The following XKR4 variants were observed in gnomAD, a reference collection of about 807,000 sequenced individuals.
The protein encoded by XKR4 is XK-related protein 4.
XKR4 carries 12 observed loss-of-function variants against 53.9 expected under a neutral mutation model. The ratio of observed to expected loss-of-function variants is 0.22; its 90% CI spans 0.14 to 0.36. The LOEUF is 0.36. Ranked by LOEUF, XKR4 falls within the 10% of genes least tolerant of loss-of-function variation. The probability of loss-of-function intolerance (pLI) is 1.00; values close to 1 mark genes in which losing one functional copy is unlikely to be tolerated. For synonymous variants in XKR4, 354 were observed against 362.4 expected, an observed-to-expected ratio of 0.98 and a Z score of 0.26; for missense variants, 799 against 859.5, an observed-to-expected ratio of 0.93 and a Z score of 0.88.
chr8:55,185,088 T>A (rs999149920), intron 1 of XKR4, among the ~76,000 whole-genome samples: 4 of 152,222 alleles, frequency 2.6e-5, no homozygotes. Flanking sequence ...CATAAACTGA[T>A]CTGAGCCATT....
chr8:55,372,748 T>G (rs994748706), intron 2 of XKR4, among the ~76,000 whole-genome samples: 1 of 152,190 alleles, frequency 6.6e-6, no homozygotes. Flanking sequence ...TTTAAAAGTA[T>G]TCCTCAGAGA....
intron 1 of XKR4, among the ~76,000 whole-genome samples, chr8:55,264,162 G>A (rs1818568048): frequency 6.6e-6 from 1 of 152,134 alleles, no homozygotes; most frequent in South Asian, 2.1e-4. Flanking sequence ...GTTCTCACTG[G>A]CTGGAGGCTC....
At chr8:55,334,850 C>T (rs1428740006) in intron 1 of XKR4, among the ~76,000 whole-genome samples, 1 of 152,108 alleles carries the variant, frequency 6.6e-6, no homozygotes, top group Non-Finnish European at 1.5e-5. Context: ...ACCTCTAGTC[C>T]TGTGTGAAAA....
In XKR4 at chr8:55,532,796, CAAAAAAAAAAAA is replaced by C. The variant is rs11313216; in HGVS notation, c.*8582_*8593del. 7.0e-5 allele frequency: 5 copies of C among 70,950 alleles called. No individual in the cohort carries two copies. The highest frequency in any genetic ancestry group is 2.0e-4 in the Admixed American group (1 of 5,120). The allele number at this position is 70,950 out of a possible 1,614,324, so 4.4% of individuals were successfully genotyped here. On this transcript the variant is annotated 3_prime_UTR_variant, in exon 3 of 3. Transcript: ENST00000327381. ...TGGGTGACAGAGCAAGACTCCGTCT[CAAAAAAAAAAAA>C]AAAAAAAAAAAAGAATTTCAGAAAA... is the stretch of plus-strand genomic sequence containing the variant.
intron 1 of XKR4, among the ~76,000 whole-genome samples, chr8:55,217,098 C>T (rs183021582): frequency 7.9e-4 from 119 of 151,532 alleles, no homozygotes; most frequent in Non-Finnish European, 1.4e-3. Context: ...AAAACTTAGC[C>T]GGGCGTGGTG....
chr8:55,310,624 C>T (rs932623928), intron 1 of XKR4, among the ~76,000 whole-genome samples: 1 of 152,124 alleles, frequency 6.6e-6, no homozygotes, highest in Non-Finnish European at 1.5e-5. Flanking sequence ...GCCATTGGTT[C>T]CCTGAGTAAG....
intron 1 of XKR4, among the ~76,000 whole-genome samples, chr8:55,273,288 T>C (rs1210941267): frequency 1.3e-5 from 2 of 152,140 alleles, no homozygotes; most frequent in African/African-American, 4.8e-5. Context: ...GAAAGAGATC[T>C]AACTTAACTG....
rs1475861592 is a variant in XKR4 at position 55,467,908 on chromosome 8, A to G, written c.1007-55373A>G. Among the ~76,000 whole-genome samples, 9 of 152,210 alleles carry G rather than the reference A, an allele frequency of 5.9e-5. No homozygotes were observed. In the East Asian group the frequency reaches 1.5e-3, roughly 26 times the overall value. On this transcript the variant is annotated intron_variant, in intron 2 of 2. Coordinates refer to ENST00000327381, the MANE Select transcript of XKR4 (RefSeq NM_052898.2). ...AGAATATTAACTATTTATGGTTTCT[A>G]TAGTATTTTCTTTCAGTGTCTTAAA...
At chr8:55,510,169 A>C (rs1226967809) in intron 2 of XKR4, among the ~76,000 whole-genome samples, 1 of 152,060 alleles carries the variant, frequency 6.6e-6, no homozygotes, top group Non-Finnish European at 1.5e-5. Context: ...GGCCAGGCAG[A>C]AGGCCTAGGT....
intron 2 of XKR4, among the ~76,000 whole-genome samples, chr8:55,440,609 A>T (rs1467907332): frequency 6.7e-6 from 1 of 149,402 alleles, no homozygotes. Context: ...GCAAAAAAAA[A>T]TGGAATGAGG....
chr8:55,132,099 G>C (rs1816563718), intron 1 of XKR4, among the ~76,000 whole-genome samples: 2 of 152,216 alleles, frequency 1.3e-5, no homozygotes, highest in South Asian at 4.1e-4. Flanking sequence ...GATGGGCAGA[G>C]TTTGGGAACA....
chr8:55,257,923 C>T (rs1298618383), intron 1 of XKR4, among the ~76,000 whole-genome samples: 2 of 152,184 alleles, frequency 1.3e-5, no homozygotes, highest in Non-Finnish European at 2.9e-5. Flanking sequence ...TTGGCTTCTT[C>T]CTGCCCCCAG....
At chr8:55,129,211 T>C (rs1677334922) in intron 1 of XKR4, among the ~76,000 whole-genome samples, 3 of 152,242 alleles carry the variant, frequency 2.0e-5, no homozygotes, top group Admixed American at 2.0e-4. Context: ...TTTTTCTTTC[T>C]GGTTACAAGG....
chr8:55,349,970 T>C (rs2129383428), intron 1 of XKR4, among the ~76,000 whole-genome samples: 2 of 152,340 alleles, frequency 1.3e-5, no homozygotes, highest in Middle Eastern at 3.4e-3. Flanking sequence ...ATCATCACTT[T>C]AATATTTTGG....
rs150312792 is a variant in XKR4 at position 55,214,018 on chromosome 8, C to T, written c.806+110724C>T. Among the ~76,000 whole-genome samples the T allele has an allele frequency of 5.1e-3, 769 of 152,050 alleles. 7 individuals carry two copies. Among genetic ancestry groups the T allele is most frequent in the Middle Eastern group, 0.048 (14 of 294 alleles). On this transcript the variant is annotated intron_variant, in intron 1 of 2. Coordinates refer to ENST00000327381, the MANE Select transcript of XKR4 (RefSeq NM_052898.2). Reference sequence around the variant, plus strand: ...TTGGGATTACAGGCGTGCGCCACCACACCTGGCTAATTTTTGTATTTTCAG... The same window carrying T: ...TTGGGATTACAGGCGTGCGCCACCATACCTGGCTAATTTTTGTATTTTCAG...
At chr8:55,473,511 G>T (rs923556361) in intron 2 of XKR4, among the ~76,000 whole-genome samples, 3 of 152,098 alleles carry the variant, frequency 2.0e-5, no homozygotes, top group African/African-American at 7.3e-5. Context: ...CACATAATTG[G>T]TATAGCTGAG....
At chr8:55,142,440 A>C (rs1216840035) in intron 1 of XKR4, 3 of 201,594 alleles carry the variant, frequency 1.5e-5, no homozygotes, top group Non-Finnish European at 2.1e-5. Context: ...GGTCCTCCTG[A>C]AAAGCAGGCC....
intron 2 of XKR4, chr8:55,451,067 C>A: frequency 1.9e-6 from 1 of 523,876 alleles, no homozygotes; most frequent in South Asian, 1.9e-5. Context: ...GCTCTCACTG[C>A]TGCAAGGGGT....
At chr8:55,390,719 T>C (rs921111561) in intron 2 of XKR4, among the ~76,000 whole-genome samples, 1 of 152,208 alleles carries the variant, frequency 6.6e-6, no homozygotes, top group Non-Finnish European at 1.5e-5. Flanking sequence ...TCATGCACCA[T>C]CTTCTGGCCC....
Sources: gnomAD v4.1 joint callset for allele counts (sites outside exome capture counted in the v4.1 genomes callset) on GRCh38, gnomAD v4.1.1 for gene constraint, MANE v1.5 for transcripts, NCBI Gene and HGNC (gene_info 2026-07-23, HGNC 2026-07-21) for gene names.